FOXP2: variants seen among roughly 807,000 people sequenced by gnomAD.
The protein encoded by FOXP2 is forkhead box P2, also known as forkhead box protein P2.
In FOXP2, 12 loss-of-function variants were observed where a neutral mutation model predicts 115.8. The ratio of observed to expected loss-of-function variants is 0.10; its 90% CI spans 0.07 to 0.17. FOXP2 has a LOEUF of 0.17. FOXP2 is among the 10% of genes least tolerant of loss of function. The pLI is 1.00. For missense variants in FOXP2, 629 were observed against 843.5 expected (o/e 0.75, Z 3.15); for synonymous variants, 328 against 297.7 (o/e 1.10, Z -1.05).
At chr7:114,413,403 T>TAA (rs138597622), upstream of FOXP2, among the ~76,000 whole-genome samples, 3 of 151,944 alleles carry the variant, frequency 2.0e-5, no homozygotes, top group African/African-American at 2.4e-5. Context: ...CACAATCTGA[T>TAA]AAAAAAATGT....
intron 3 of FOXP2, chr7:114,570,915 C>T: frequency 6.3e-7 from 1 of 1,587,680 alleles, no homozygotes; most frequent in Non-Finnish European, 8.6e-7. Flanking sequence ...AATTCAGCTA[C>T]TAGGCACAAG....
intron 1 of FOXP2, among the ~76,000 whole-genome samples, chr7:114,257,451 C>CTTTTTTT (rs35852445): frequency 5.4e-5 from 5 of 92,158 alleles, no homozygotes; most frequent in Non-Finnish European, 8.5e-5. Flanking sequence ...TCTTTTCTTT[C>CTTTTTTT]TTTTTTTTTT....
At chr7:114,599,362 A>G (rs1271711250) in intron 3 of FOXP2, among the ~76,000 whole-genome samples, 1 of 152,092 alleles carries the variant, frequency 6.6e-6, no homozygotes, top group Non-Finnish European at 1.5e-5. Flanking sequence ...ACATTGACTT[A>G]TATTGATTTA....
intron 2 of FOXP2, among the ~76,000 whole-genome samples, chr7:114,476,929 C>G (rs973179901): frequency 6.6e-6 from 1 of 151,844 alleles, no homozygotes; most frequent in African/African-American, 2.4e-5. Flanking sequence ...CATCAAATAA[C>G]TGAAAATCAA....
chr7:114,525,487 C>T (rs1157032185), intron 2 of FOXP2, among the ~76,000 whole-genome samples: 1 of 152,154 alleles, frequency 6.6e-6, no homozygotes, highest in Non-Finnish European at 1.5e-5. Context: ...TGTGGAAGCA[C>T]ATTTTATATT....
intron 1 of FOXP2, among the ~76,000 whole-genome samples, chr7:114,233,131 AT>A (rs1227405034): frequency 1.3e-5 from 2 of 152,200 alleles, no homozygotes; most frequent in African/African-American, 4.8e-5. Context: ...TCACTTAAAA[AT>A]TTGTTAAAAG....
At chr7:114,191,669 T>C (rs889981621) in intron 1 of FOXP2, among the ~76,000 whole-genome samples, 2 of 152,018 alleles carry the variant, frequency 1.3e-5, no homozygotes, top group Non-Finnish European at 2.9e-5. Flanking sequence ...AAGTACAGAG[T>C]TTCCATTATT....
At chr7:114,132,519 AAAAT>A (rs1359534221) in intron 1 of FOXP2, among the ~76,000 whole-genome samples, 1 of 149,592 alleles carries the variant, frequency 6.7e-6, no homozygotes, top group African/African-American at 2.5e-5. Flanking sequence ...ACTATAGAGA[AAAAT>A]AAAATAGAAA....
At chr7:114,128,640 A>G (rs886255676) in intron 1 of FOXP2, among the ~76,000 whole-genome samples, 1 of 152,080 alleles carries the variant, frequency 6.6e-6, no homozygotes, top group Non-Finnish European at 1.5e-5. Context: ...TAATTTTATG[A>G]TTAAATATAT....
chr7:114,277,842 C>A (rs1245225617), intron 1 of FOXP2, among the ~76,000 whole-genome samples: 1 of 151,274 alleles, frequency 6.6e-6, no homozygotes, highest in Non-Finnish European at 1.5e-5. Context: ...TGGTGAAACC[C>A]CGTCTCTACT....
At chr7:114,108,808 G>T (rs1180772631) in intron 1 of FOXP2, among the ~76,000 whole-genome samples, 1 of 151,750 alleles carries the variant, frequency 6.6e-6, no homozygotes, top group Non-Finnish European at 1.5e-5. Flanking sequence ...TTTTTGATAT[G>T]CCTGAAAGCC....
upstream of FOXP2, among the ~76,000 whole-genome samples, chr7:114,409,815 C>A (rs1409645559): frequency 6.6e-6 from 1 of 152,024 alleles, no homozygotes; most frequent in East Asian, 1.9e-4. Flanking sequence ...TCTTATAATT[C>A]TCCAGATTTG....
chr7:114,670,975 T>C (rs1807458088), intron 16 of FOXP2, among the ~76,000 whole-genome samples: 1 of 152,120 alleles, frequency 6.6e-6, no homozygotes, highest in African/African-American at 2.4e-5. Context: ...GAAAGCTTTT[T>C]TTTTGCCTCA....
At chr7:114,673,144 A>G (rs12705973) in intron 16 of FOXP2, among the ~76,000 whole-genome samples, 51,602 of 152,174 alleles carry the variant, frequency 0.34, 10,028 homozygotes, top group Non-Finnish European at 0.45. Flanking sequence ...TGGAGCAGCA[A>G]CAAGACTGAC....
At chr7:114,380,010 A>AG (rs769358479) in intron 2 of FOXP2, among the ~76,000 whole-genome samples, 3 of 152,246 alleles carry the variant, frequency 2.0e-5, no homozygotes, top group East Asian at 1.9e-4. Context: ...GGTTTCCCAG[A>AG]GGGGGTTACC....
intron 6 of FOXP2, among the ~76,000 whole-genome samples, chr7:114,637,042 C>T (rs1284167989): frequency 3.3e-5 from 5 of 152,102 alleles, no homozygotes; most frequent in South Asian, 2.1e-4. Context: ...AGCATGATGA[C>T]GTATGCCTGT....
chr7:114,086,647 C>A (rs750234120), upstream of FOXP2: 3 of 370,442 alleles, frequency 8.1e-6, no homozygotes, highest in East Asian at 2.6e-4. Flanking sequence ...CGCGCTACAC[C>A]TCCGCACCCC....
intron 2 of FOXP2, among the ~76,000 whole-genome samples, chr7:114,384,400 A>T (rs994447996): frequency 3.9e-5 from 6 of 152,186 alleles, no homozygotes; most frequent in Non-Finnish European, 8.8e-5. Flanking sequence ...TGATTCTGTA[A>T]GTACTTTAAG....
intron 16 of FOXP2, among the ~76,000 whole-genome samples, chr7:114,689,410 A>C (rs1296307923): frequency 2.6e-5 from 4 of 152,194 alleles, no homozygotes; most frequent in Non-Finnish European, 5.9e-5. Context: ...CAAAAAACTG[A>C]ATGGTAAAAG....
Sources: gnomAD v4.1 joint callset for allele counts (sites outside exome capture counted in the v4.1 genomes callset) on GRCh38, gnomAD v4.1.1 for gene constraint, MANE v1.5 for transcripts, NCBI Gene and HGNC (gene_info 2026-07-23, HGNC 2026-07-21) for gene names.